The following SNRPN variants were observed in gnomAD, a reference collection of about 807,000 sequenced individuals.
SNRPN encodes small nuclear ribonucleoprotein polypeptide N.
SNRPN carries 7 observed loss-of-function variants against 25.2 expected under a neutral mutation model. The ratio of observed to expected loss-of-function variants is 0.28; its 90% confidence interval spans 0.16 to 0.52. SNRPN has a LOEUF of 0.52. Ranked by LOEUF, SNRPN falls within the 20% of genes least tolerant of loss-of-function variation. The pLI, the probability that SNRPN is intolerant of heterozygous loss-of-function variation, is 0.96. For synonymous variants in SNRPN, 124 were observed against 110.6 expected, an observed-to-expected ratio of 1.12 and a Z score of -0.76; for missense variants, 196 against 322.5, an observed-to-expected ratio of 0.61 and a Z score of 3.00.
chr15:24,928,522 G>T (rs2060571008), intron 3 of SNRPN, among the ~76,000 whole-genome samples: 1 of 152,002 alleles, frequency 6.6e-6, no homozygotes, highest in African/African-American at 2.4e-5. Context: ...GAAGTAGAGA[G>T]TAGAATTGTG....
At chr15:24,888,800 T>C (rs1441117474) in intron 2 of SNRPN, among the ~76,000 whole-genome samples, 5 of 152,244 alleles carry the variant, frequency 3.3e-5, no homozygotes, top group Admixed American at 3.3e-4. Flanking sequence ...CTGCAATCAA[T>C]GTAGGCATAT....
At chr15:24,977,502 T>G (rs537765329) in intron 7 of SNRPN, among the ~76,000 whole-genome samples, 2 of 151,922 alleles carry the variant, frequency 1.3e-5, no homozygotes, top group Non-Finnish European at 2.9e-5. Context: ...CAGCTGTGTG[T>G]GGTGGTGGGT....
At chr15:24,830,371 T>C (rs2050418477) in intron 2 of SNRPN, among the ~76,000 whole-genome samples, 2 of 152,236 alleles carry the variant, frequency 1.3e-5, no homozygotes, top group Admixed American at 1.3e-4. Context: ...TTTGGACTTG[T>C]ATGTCCTGGA....
At chr15:24,971,284 C>CTCTCGTCGCCTT (rs1293397164) in intron 3 of SNRPN, among the ~76,000 whole-genome samples, 2 of 152,182 alleles carry the variant, frequency 1.3e-5, no homozygotes, top group Non-Finnish European at 2.9e-5. Flanking sequence ...GATGTTGCTA[C>CTCTCGTCGCCTT]TCTCGTCGCC....
chr15:24,978,572 A>G lies in SNRPN; in HGVS notation c.*128A>G, dbSNP rs143504129. ...TAGCTAATAATAAATGCATAGAGCA[A>G]TTAAACTGTGAGGTACTGTTGTATA... is the stretch of plus-strand genomic sequence containing the variant. On this transcript the variant is annotated 3_prime_UTR_variant, in exon 10 of 10. Transcript: ENST00000390687. 2.0e-3 allele frequency: 1,774 copies of G among 874,402 alleles called. 6 individuals are homozygous for G. The highest frequency in any genetic ancestry group is 2.7e-3 in the Non-Finnish European group (1,431 of 526,550). The allele number at this position is 874,402 out of a possible 1,614,324, so 54.2% of individuals were successfully genotyped here.
chr15:24,876,068 A>T, intron 1 of SNRPN, among the ~76,000 whole-genome samples: 1 of 151,366 alleles, frequency 6.6e-6, no homozygotes, highest in Admixed American at 6.6e-5. Context: ...AAAAAAGAAA[A>T]AAAACAAAAA....
intron 2 of SNRPN, chr15:24,911,124 A>T (rs1271716296): frequency 1.8e-6 from 2 of 1,096,458 alleles, no homozygotes; most frequent in Non-Finnish European, 1.3e-6. Flanking sequence ...TGCAAGAAGC[A>T]TGTTCTTGTG....
intron 2 of SNRPN, among the ~76,000 whole-genome samples, chr15:24,918,077 T>A (rs974670070): frequency 1.3e-4 from 19 of 151,928 alleles, no homozygotes; most frequent in Non-Finnish European, 2.2e-4. Context: ...TTCAGTAAGT[T>A]TGAGGGTAGA....
intron 1 of SNRPN, among the ~76,000 whole-genome samples, chr15:24,884,202 C>T (rs2149895055): frequency 6.8e-6 from 1 of 147,088 alleles, no homozygotes; most frequent in African/African-American, 2.5e-5. Context: ...GGCATGGTGA[C>T]ACATGCCTGT....
At chr15:24,825,031 G>A (rs998297173) in intron 1 of SNRPN, among the ~76,000 whole-genome samples, 2 of 152,048 alleles carry the variant, frequency 1.3e-5, no homozygotes, top group East Asian at 1.9e-4. Context: ...GTCTAAAAGC[G>A]ATTCTGGGGG....
chr15:24,918,416 ATG>A (rs1326247415), intron 2 of SNRPN, among the ~76,000 whole-genome samples: 9 of 59,894 alleles, frequency 1.5e-4, no homozygotes, highest in African/African-American at 2.0e-4. Flanking sequence ...CATAATATAT[ATG>A]TGTATATATA....
At chr15:24,959,074 C>T (rs929613332) in intron 1 of SNRPN, among the ~76,000 whole-genome samples, 9 of 152,128 alleles carry the variant, frequency 5.9e-5, no homozygotes, top group South Asian at 4.2e-4. Flanking sequence ...AAATTTAGGC[C>T]GTAATAAAAT....
intron 1 of SNRPN, among the ~76,000 whole-genome samples, chr15:24,826,769 T>C (rs1017104689): frequency 2.6e-5 from 4 of 152,186 alleles, no homozygotes; most frequent in African/African-American, 7.2e-5. Context: ...TTAAGGTGGA[T>C]CTAAAAGAAA....
rs778881241 is a variant in SNRPN at position 24,918,693 on chromosome 15, AAT to A, written c.-504-1311_-504-1310del. Among the ~76,000 whole-genome samples, 3 of 78,970 alleles carry A rather than the reference AAT, an allele frequency of 3.8e-5. 1 individual carries two copies. The highest frequency in any genetic ancestry group is 7.4e-4 in the East Asian group (2 of 2,698). 51.8% of individuals were successfully genotyped at this position (78,970 alleles called of 152,430 possible). On this transcript the variant is annotated intron_variant, in intron 2 of 11. Transcript: ENST00000400097. ...ATATATGTGTGCATATATATAACAT[AAT>A]ATATATGTGTGCATATATATAACAT...
intron 1 of SNRPN, among the ~76,000 whole-genome samples, chr15:24,883,378 A>T (rs1315249555): frequency 1.6e-5 from 2 of 124,880 alleles, no homozygotes; most frequent in Non-Finnish European, 3.6e-5. Context: ...TAGAAAGGTC[A>T]TCTGGCTGTC....
chr15:24,941,219 C>A (rs748437617), intron 3 of SNRPN, among the ~76,000 whole-genome samples: 6 of 152,156 alleles, frequency 3.9e-5, no homozygotes, highest in Non-Finnish European at 8.8e-5. Flanking sequence ...TCAGGTGATC[C>A]ATCTGCCTTG....
chr15:24,923,923 A>ATTTTTTTTTTTTTTTTTTT (rs34575205), intron 3 of SNRPN, among the ~76,000 whole-genome samples: 1 of 89,908 alleles, frequency 1.1e-5, no homozygotes, highest in African/African-American at 4.7e-5. Flanking sequence ...GTATATAAAC[A>ATTTTTTTTTTTTTTTTTTT]TTTTTTTTTT....
chr15:24,832,580 T>C lies in SNRPN; in HGVS notation c.-579+2675T>C, dbSNP rs546214717. On this transcript the variant is annotated intron_variant, in intron 2 of 12. Coordinates refer to the SNRPN transcript ENST00000400100. ...ACATGGGTGGGGACAATAAAGGAATTAAAGCTGGTAACCCCAGCCAGCAGC... is the reference window on the plus strand; with the variant it reads ...ACATGGGTGGGGACAATAAAGGAATCAAAGCTGGTAACCCCAGCCAGCAGC... Among the ~76,000 whole-genome samples the C allele has an allele frequency of 1.2e-3, 188 of 152,008 alleles. 1 individual carries two copies. The highest frequency in any genetic ancestry group is 4.4e-3 in the African/African-American group (183 of 41,386).
chr15:24,839,884 T>G (rs2051538532), intron 2 of SNRPN, among the ~76,000 whole-genome samples: 1 of 152,234 alleles, frequency 6.6e-6, no homozygotes, highest in Admixed American at 6.5e-5. Context: ...GGCCTGAACT[T>G]GAATGCACCA....
Sources: allele counts gnomAD v4.1 joint callset (sites outside exome capture counted in the v4.1 genomes callset), GRCh38; gene constraint gnomAD v4.1.1; transcripts MANE v1.5; gene names NCBI Gene and HGNC (gene_info 2026-07-23, HGNC 2026-07-21).